The following GALNT13 variants were observed in gnomAD, a reference collection of about 807,000 sequenced individuals.
GALNT13 encodes the protein polypeptide N-acetylgalactosaminyltransferase 13, also known as UDP-GalNAc:polypeptide N-acetylgalactosaminyltransferase 13.
GALNT13 carries 28 observed loss-of-function variants against 64.2 expected under a neutral mutation model. That is an observed-to-expected ratio of 0.44 (90% CI 0.32 to 0.60). The LOEUF (loss-of-function observed/expected upper bound fraction) is 0.60, where lower values mean the gene tolerates loss of function less well. GALNT13 is among the 20% of genes least tolerant of loss of function. The pLI is 0.05. For synonymous variants in GALNT13, 214 were observed against 224.6 expected, an observed-to-expected ratio of 0.95 and a Z score of 0.42; for missense variants, 577 against 669.8, an observed-to-expected ratio of 0.86 and a Z score of 1.53.
the GALNT13 span, among the ~76,000 whole-genome samples, chr2:153,126,329 TATATATATA>T: frequency 1.8e-4 from 20 of 109,942 alleles, no homozygotes; most frequent in African/African-American, 7.1e-4. Flanking sequence ...TATATATATA[TATATATATA>T]TATATATATG....
chr2:153,391,738 T>C, the GALNT13 span, among the ~76,000 whole-genome samples: 1 of 152,032 alleles, frequency 6.6e-6, no homozygotes, highest in Non-Finnish European at 1.5e-5. Context: ...AGGTGTTTTT[T>C]TTAGTGCAAA....
intron 3 of GALNT13, among the ~76,000 whole-genome samples, chr2:154,013,908 G>T (rs1175644247): frequency 6.6e-6 from 1 of 152,160 alleles, no homozygotes; most frequent in Non-Finnish European, 1.5e-5. Flanking sequence ...AGTCCGGTCT[G>T]CTGGACTTCT....
At chr2:153,489,524 T>A in the GALNT13 span, among the ~76,000 whole-genome samples, 1 of 152,190 alleles carries the variant, frequency 6.6e-6, no homozygotes, top group African/African-American at 2.4e-5. Context: ...TGGTGGGGCA[T>A]GTTTATTTTT....
chr2:153,308,764 G>T, the GALNT13 span, among the ~76,000 whole-genome samples: 2 of 152,060 alleles, frequency 1.3e-5, no homozygotes, highest in Admixed American at 6.6e-5. Flanking sequence ...TTTTGTTAAT[G>T]TATGATATTT....
At chr2:153,388,162 T>C in the GALNT13 span, among the ~76,000 whole-genome samples, 1 of 152,042 alleles carries the variant, frequency 6.6e-6, no homozygotes, top group African/African-American at 2.4e-5. Flanking sequence ...TTCCCTGTTG[T>C]CATTTTCCAC....
the GALNT13 span, among the ~76,000 whole-genome samples, chr2:153,168,344 C>T: frequency 6.6e-6 from 1 of 152,110 alleles, no homozygotes; most frequent in Non-Finnish European, 1.5e-5. Flanking sequence ...AATCAGCAGA[C>T]CTGGGTTGGA....
chr2:154,266,168 A>T (rs1690987646), intron 8 of GALNT13, among the ~76,000 whole-genome samples: 1 of 152,180 alleles, frequency 6.6e-6, no homozygotes, highest in African/African-American at 2.4e-5. Flanking sequence ...AAACCTACAC[A>T]TATTTAATGT....
At chr2:154,376,845 A>T (rs1279370067) in intron 9 of GALNT13, among the ~76,000 whole-genome samples, 1 of 152,152 alleles carries the variant, frequency 6.6e-6, no homozygotes, top group Non-Finnish European at 1.5e-5. Context: ...CCTAAACTAT[A>T]GTAAATATCT....
chr2:154,130,401 G>A (rs569206523), intron 3 of GALNT13, among the ~76,000 whole-genome samples: 6 of 152,098 alleles, frequency 3.9e-5, no homozygotes, highest in Admixed American at 2.6e-4. Context: ...CAGCACAACC[G>A]CCCTCAACAA....
intron 3 of GALNT13, among the ~76,000 whole-genome samples, chr2:154,061,163 T>A (rs1700161167): frequency 6.6e-6 from 1 of 152,186 alleles, no homozygotes; most frequent in Non-Finnish European, 1.5e-5. Context: ...AGCATTTTAC[T>A]CCATATACTT....
intron 9 of GALNT13, among the ~76,000 whole-genome samples, chr2:154,379,817 G>A (rs116135010): frequency 0.03 from 4,519 of 152,018 alleles, 87 homozygotes; most frequent in Non-Finnish European, 0.045. Context: ...GAAAACAATT[G>A]CAAAGTTAAG....
At chr2:153,948,312 C>T (rs1228339489) in intron 3 of GALNT13, among the ~76,000 whole-genome samples, 1 of 151,290 alleles carries the variant, frequency 6.6e-6, no homozygotes, top group Non-Finnish European at 1.5e-5. Flanking sequence ...GATTCCATCT[C>T]ACGCCAATCA....
chr2:153,275,548 T>G, the GALNT13 span, among the ~76,000 whole-genome samples: 2 of 152,174 alleles, frequency 1.3e-5, no homozygotes, highest in South Asian at 4.1e-4. Context: ...TCCAGAAGTA[T>G]GATAAATAAA....
chr2:154,126,504 G>A (rs997871496), intron 3 of GALNT13, among the ~76,000 whole-genome samples: 1 of 151,968 alleles, frequency 6.6e-6, no homozygotes, highest in Non-Finnish European at 1.5e-5. Flanking sequence ...GCGTGGTGGT[G>A]GGCGCCGGTA....
chr2:154,149,145 T>C (rs1362844765), intron 4 of GALNT13, among the ~76,000 whole-genome samples: 1 of 152,216 alleles, frequency 6.6e-6, no homozygotes, highest in Admixed American at 6.5e-5. Flanking sequence ...TTTCTACATA[T>C]GGCTAGCCAG....
At chr2:154,420,338 C>G (rs1255964796) in intron 11 of GALNT13, among the ~76,000 whole-genome samples, 1 of 152,096 alleles carries the variant, frequency 6.6e-6, no homozygotes, top group East Asian at 1.9e-4. Context: ...TCTCTGCTGA[C>G]TTTACCAAGA....
At chr2:153,612,358 T>A in the GALNT13 span, among the ~76,000 whole-genome samples, 1 of 152,182 alleles carries the variant, frequency 6.6e-6, no homozygotes, top group Non-Finnish European at 1.5e-5. Flanking sequence ...AAAGGATATG[T>A]TGTACTATTG....
At chr2:154,205,718 A>G (rs548456955) in intron 4 of GALNT13, among the ~76,000 whole-genome samples, 34 of 152,126 alleles carry the variant, frequency 2.2e-4, no homozygotes, top group African/African-American at 7.5e-4. Flanking sequence ...TTTCAGGGGA[A>G]CTCCCATTTT....
chr2:153,071,433 A>T, the GALNT13 span, among the ~76,000 whole-genome samples: 1 of 152,222 alleles, frequency 6.6e-6, no homozygotes, highest in South Asian at 2.1e-4. Context: ...ATCAGCCAAC[A>T]AGGAGAAGAG....
Sources: allele counts gnomAD v4.1 joint callset (sites outside exome capture counted in the v4.1 genomes callset), GRCh38; gene constraint gnomAD v4.1.1; transcripts MANE v1.5; gene names NCBI Gene and HGNC (gene_info 2026-07-23, HGNC 2026-07-21).